The following ZNF182 variants were observed in gnomAD, a reference collection of about 807,000 sequenced individuals.
The protein encoded by ZNF182 is zinc finger protein 21 (KOX 14).
Under a neutral mutation model 28.1 loss-of-function variants are expected in ZNF182, and 10 were observed. The observed-to-expected ratio is 0.36, with a 90% CI of 0.22 to 0.60. The LOEUF is 0.60. Ranked by LOEUF, ZNF182 falls within the 20% of genes least tolerant of loss-of-function variation. The pLI is 0.75. For synonymous variants in ZNF182, 156 were observed against 158.7 expected, an observed-to-expected ratio of 0.98 and a Z score of 0.13; for missense variants, 352 against 453.2, an observed-to-expected ratio of 0.78 and a Z score of 2.03.
chrX:47,979,841 T>C (rs1556898833), intron 5 of ZNF182, among the ~76,000 whole-genome samples: 1 of 103,425 alleles, frequency 9.7e-6, no homozygotes, highest in East Asian at 3.1e-4. Flanking sequence ...AGAGGGAAGC[T>C]GAAGGGTTTT....
chrX:47,988,760 A>T (rs868930723), intron 3 of ZNF182: 2 of 291,574 alleles, frequency 6.9e-6, no homozygotes, highest in East Asian at 9.7e-5. Flanking sequence ...CTGAGCATCG[A>T]AATAAATAAT....
intron 3 of ZNF182, among the ~76,000 whole-genome samples, chrX:47,989,673 T>G (rs1236540133): frequency 1.8e-5 from 2 of 112,360 alleles, no homozygotes; most frequent in Non-Finnish European, 3.8e-5. Context: ...AATAGTATTA[T>G]ATCAATGTTA....
At position 47,975,316 on chromosome X, in the gene ZNF182, A is replaced by T. The variant is rs72616735; in HGVS notation, c.*851T>A. 2.7e-5 allele frequency: 3 copies of T among 111,096 alleles called. No individual in the cohort carries two copies. Among genetic ancestry groups the T allele is most frequent in the South Asian group, 7.6e-4 (2 of 2,623 alleles). The allele number at this position is 111,096 out of a possible 1,213,427, so 9.2% of individuals were successfully genotyped here. A position where few individuals can be genotyped will look rare whatever the true frequency, so the allele number is the denominator to read the frequency against. ...TTTCACAAACGCTGCATTAATGAAT[A>T]CTGTATGTTCATCATTTTGTACATG... is the stretch of plus-strand genomic sequence containing the variant. On this transcript the variant is annotated 3_prime_UTR_variant, in exon 6 of 6. Transcript: ENST00000376943.
chrX:47,998,853 TCA>T (rs1491383403), intron 3 of ZNF182, among the ~76,000 whole-genome samples: 3 of 22,927 alleles, frequency 1.3e-4, no homozygotes, highest in Non-Finnish European at 3.1e-4. Flanking sequence ...AGACTCCGTC[TCA>T]AAAAAAAAAA....
intron 3 of ZNF182, among the ~76,000 whole-genome samples, chrX:47,989,324 G>A (rs1214575910): frequency 9.0e-6 from 1 of 110,558 alleles, no homozygotes; most frequent in Admixed American, 9.6e-5. Context: ...TTACTTGGGA[G>A]GCTAAGGCAC....
intron 3 of ZNF182, among the ~76,000 whole-genome samples, chrX:47,999,032 G>A (rs1223736780): frequency 3.6e-5 from 4 of 111,672 alleles, no homozygotes; most frequent in Non-Finnish European, 7.5e-5. Context: ...TGGATGAACA[G>A]ATAAAGAAAA....
chrX:47,982,075 C>T (rs1017886402), intron 5 of ZNF182, among the ~76,000 whole-genome samples: 2 of 111,664 alleles, frequency 1.8e-5, no homozygotes, highest in Non-Finnish European at 3.8e-5. Context: ...GCAAAATTTC[C>T]ATCAATTGAT....
intron 3 of ZNF182, among the ~76,000 whole-genome samples, chrX:47,998,623 G>A (rs781854733): frequency 2.3e-4 from 26 of 111,900 alleles, no homozygotes; most frequent in Non-Finnish European, 4.1e-4. Flanking sequence ...TTGGGAGGCC[G>A]AGGCGGGTGG....
intron 3 of ZNF182, among the ~76,000 whole-genome samples, chrX:47,991,170 G>C: frequency 9.0e-6 from 1 of 111,302 alleles, no homozygotes; most frequent in Non-Finnish European, 1.9e-5. Flanking sequence ...TCATCCAAGA[G>C]GACTGGTGTC....
intron 3 of ZNF182, among the ~76,000 whole-genome samples, chrX:47,991,105 G>A (rs187055918): frequency 1.2e-3 from 131 of 111,838 alleles, no homozygotes; most frequent in Admixed American, 3.1e-3. Context: ...TATATGTAGA[G>A]GGAGAGTCTT....
chrX:47,985,836 C>G (rs138557436), intron 3 of ZNF182, among the ~76,000 whole-genome samples: 2,173 of 111,057 alleles, frequency 0.02, 23 homozygotes, highest in Middle Eastern at 0.042. Flanking sequence ...GGAGACACAA[C>G]AATGATTCCA....
Position 47,991,873 on chromosome X carries a change from A to T in ZNF182, c.16-8462T>A, listed in dbSNP as rs2058943002. Among the ~76,000 whole-genome samples, 3 of 111,386 alleles carry T rather than the reference A, an allele frequency of 2.7e-5. No individual in the cohort carries two copies. The South Asian group carries it at 1.1e-3, about 43-fold the overall frequency. On this transcript the variant is annotated intron_variant, in intron 3 of 5. Transcript: ENST00000376943. ...GGTAGTCTCTGTCTTCCCCCAAATC[A>T]GCAGGAGTCCTTCCAACAACACCAG...
At chrX:47,995,668 G>A (rs1004706258) in intron 3 of ZNF182, among the ~76,000 whole-genome samples, 3 of 112,065 alleles carry the variant, frequency 2.7e-5, no homozygotes, top group Admixed American at 1.9e-4. Context: ...AAATCTATAT[G>A]TTCAAGAGGC....
chrX:47,989,239 C>T (rs2058932919), intron 3 of ZNF182, among the ~76,000 whole-genome samples: 1 of 110,484 alleles, frequency 9.1e-6, no homozygotes, highest in Non-Finnish European at 1.9e-5. Flanking sequence ...ACCAGCCTGG[C>T]CAACATAGTG....
chrX:47,992,016 T>C (rs2146468540), intron 3 of ZNF182, among the ~76,000 whole-genome samples: 1 of 110,951 alleles, frequency 9.0e-6, no homozygotes, highest in African/African-American at 3.3e-5. Flanking sequence ...ATCTAGACAC[T>C]CCCTCTCCAC....
chrX:47,988,488 CCCCACTCTTGCT>C, intron 3 of ZNF182: 1 of 464,607 alleles, frequency 2.2e-6, no homozygotes, highest in Non-Finnish European at 3.9e-6. Flanking sequence ...TGCCTCCCTC[CCCCACTCTTGCT>C]CCCACTCTTG....
At chrX:48,002,444 A>G in intron 3 of ZNF182, 151 bp downstream of exon 3, 1 of 778,714 alleles carries the variant, frequency 1.3e-6, no homozygotes, top group Non-Finnish European at 1.9e-6. Flanking sequence ...GCACACCTCT[A>G]CATTCTAATT....
chrX:47,995,513 C>T (rs1168370034), intron 3 of ZNF182, among the ~76,000 whole-genome samples: 1 of 111,562 alleles, frequency 9.0e-6, no homozygotes, highest in Non-Finnish European at 1.9e-5. Flanking sequence ...GAAACATGAA[C>T]AGATTCTGGG....
intron 3 of ZNF182, among the ~76,000 whole-genome samples, chrX:47,991,287 G>A (rs1477146826): frequency 9.0e-6 from 1 of 111,521 alleles, no homozygotes; most frequent in African/African-American, 3.3e-5. Context: ...AGCAAGCCAG[G>A]AAGAGCAGCC....
Sources: gnomAD v4.1 joint callset for allele counts (sites outside exome capture counted in the v4.1 genomes callset) on GRCh38, gnomAD v4.1.1 for gene constraint, MANE v1.5 for transcripts, NCBI Gene and HGNC (gene_info 2026-07-23, HGNC 2026-07-21) for gene names.